The following PHC2 variants were observed in gnomAD, a reference collection of about 807,000 sequenced individuals.
The protein encoded by PHC2 is polyhomeotic homolog 2, also known as polyhomeotic-like protein 2.
In PHC2, 29 loss-of-function variants were observed where a neutral mutation model predicts 87.4. The observed-to-expected ratio is 0.33, with a 90% confidence interval of 0.25 to 0.45. The LOEUF (loss-of-function observed/expected upper bound fraction) is 0.45. Ranked by LOEUF, PHC2 falls within the 20% of genes least tolerant of loss-of-function variation. The pLI, the probability that PHC2 is intolerant of heterozygous loss-of-function variation, is 1.00. For synonymous variants in PHC2, 438 were observed against 461.7 expected, an observed-to-expected ratio of 0.95 and a Z score of 0.66; for missense variants, 857 against 1,136.7, an observed-to-expected ratio of 0.75 and a Z score of 3.54.
chr1:33,376,580 G>T (rs1401347396), intron 1 of PHC2, among the ~76,000 whole-genome samples: 1 of 152,208 alleles, frequency 6.6e-6, no homozygotes, highest in Non-Finnish European at 1.5e-5. Context: ...GAACATCAGA[G>T]AATTTACTAT....
chr1:33,350,193 G>A (rs1646942970), intron 9 of PHC2, among the ~76,000 whole-genome samples: 2 of 152,186 alleles, frequency 1.3e-5, no homozygotes, highest in African/African-American at 4.8e-5. Context: ...GGGCCTGGGG[G>A]TCAGTCAGAA....
chr1:33,375,751 A>C (rs10737369), intron 1 of PHC2, among the ~76,000 whole-genome samples, 158 bp from the exon 2 acceptor site: 109,203 of 152,210 alleles, frequency 0.72, 39,950 homozygotes, highest in African/African-American at 0.86. Context: ...TGAACACGTA[A>C]ACTTTTTTTG....
At chr1:33,347,613 C>G (rs1646868806) in intron 9 of PHC2, 2 of 985,328 alleles carry the variant, frequency 2.0e-6, no homozygotes, top group East Asian at 2.3e-4. Context: ...CATAGTTGGA[C>G]AACTGAGAAA....
At chr1:33,346,056 T>A in intron 9 of PHC2, 1 of 985,344 alleles carries the variant, frequency 1.0e-6, no homozygotes, top group Non-Finnish European at 1.2e-6. Context: ...AAAGCATAAA[T>A]CTATGTGTTC....
At chr1:33,379,985 C>T (rs1293111896) in intron 1 of PHC2, among the ~76,000 whole-genome samples, 2 of 152,200 alleles carry the variant, frequency 1.3e-5, no homozygotes, top group Non-Finnish European at 1.5e-5. Context: ...GCTTGATCAG[C>T]AGGTCTGTCT....
chr1:33,350,057 G>T (rs1386308995), intron 9 of PHC2, among the ~76,000 whole-genome samples: 1 of 151,450 alleles, frequency 6.6e-6, no homozygotes, highest in Non-Finnish European at 1.5e-5. Flanking sequence ...AGGCGGGTTA[G>T]GGACGCCCGG....
chr1:33,325,579 A>G (rs1461717123), intron 14 of PHC2: 1 of 268,104 alleles, frequency 3.7e-6, no homozygotes, highest in African/African-American at 2.2e-5. Flanking sequence ...AAACTCATAC[A>G]CTGGGTCTGT....
In PHC2 at chr1:33,368,603, G is replaced by A; in HGVS notation, c.596C>T (p.Ala199Val). The change falls in exon 6 of 15, where the codon GCC becomes GTC. Residue 199 changes from alanine (A) to valine (V), a missense_variant. This residue lies in a region of PHC2 where 832 missense variants were observed against 1,081.8 expected (regional missense o/e 0.77). Coordinates refer to ENST00000683057, the MANE Select transcript of PHC2 (RefSeq NM_001385109.1). This position sits in a 1 kb window ranked among gnomAD's most constrained non-coding sequence, Gnocchi z 6.6. ...CTCAGGCTGCACAGTAGCGACGGTG[G>A]CCGTGGGCGTGAAGATGAGCTGAGG... ...RAQMLIFTPT[A>V]TVATVQPELG... 1.3e-6 allele frequency: 2 copies of A among 1,551,158 alleles called. No homozygotes were observed. Among genetic ancestry groups the A allele is most frequent in the East Asian group, 2.4e-5 (1 of 40,894 alleles).
At chr1:33,366,485 T>C (rs915854060) in intron 7 of PHC2, among the ~76,000 whole-genome samples, 41 of 152,314 alleles carry the variant, frequency 2.7e-4, no homozygotes, top group Non-Finnish European at 5.0e-4. Flanking sequence ...TTACCCTCAC[T>C]AGCAAGCCTT....
chr1:33,383,160 C>A (rs1222512474), intron 1 of PHC2, among the ~76,000 whole-genome samples: 2 of 152,168 alleles, frequency 1.3e-5, no homozygotes, highest in East Asian at 3.9e-4. Flanking sequence ...CTTAGGGGAC[C>A]TGGGGGAGGC....
chr1:33,341,354 T>C lies in PHC2; in HGVS notation c.1559-7062A>G, dbSNP rs1436606836. On this transcript the variant is annotated intron_variant, in intron 9 of 14. Transcript: ENST00000683057. Reference sequence around the variant, plus strand: ...TTAGCCGTGGATAGCACGAGGGCACTTGGGAAAAGAGGACAAGACATGTAA... The same window carrying C: ...TTAGCCGTGGATAGCACGAGGGCACCTGGGAAAAGAGGACAAGACATGTAA... Among the ~76,000 whole-genome samples the C allele has an allele frequency of 2.6e-5, 4 of 152,314 alleles. No individual in the cohort carries two copies. In the East Asian group the frequency reaches 7.7e-4, roughly 29 times the overall value.
rs11061 is a variant in PHC2, at chr1:33,324,069, G to A, written c.*796C>T. The A allele has an allele frequency of 0.17, 26,487 of 152,588 alleles. 2,829 individuals carry two copies. The highest frequency in any genetic ancestry group is 0.27 in the South Asian group (1,300 of 4,836). 9.5% of individuals were successfully genotyped at this position (152,588 alleles called of 1,614,324 possible). A position where few individuals can be genotyped will look rare whatever the true frequency, so the allele number is the denominator to read the frequency against. On this transcript the variant is annotated 3_prime_UTR_variant, in exon 15 of 15. Coordinates refer to ENST00000683057, the MANE Select transcript of PHC2 (RefSeq NM_001385109.1). ...GGCGGTCAGGGGAACTTCACAGTGC[G>A]GGGAGGGGTGTCTGGAAAGGAAACT...
intron 12 of PHC2, among the ~76,000 whole-genome samples, chr1:33,330,558 T>C (rs1646469052): frequency 1.3e-5 from 2 of 152,244 alleles, no homozygotes; most frequent in South Asian, 2.1e-4. Context: ...GGGAAACTAC[T>C]GTCCACTGTC....
At chr1:33,363,839 C>T (rs558904219) in intron 7 of PHC2, 3 of 985,284 alleles carry the variant, frequency 3.0e-6, no homozygotes, top group East Asian at 1.1e-4. Context: ...CCTTAGGACT[C>T]GGCTTCCCTG....
chr1:33,348,754 C>T (rs181435855), intron 9 of PHC2, among the ~76,000 whole-genome samples: 117 of 152,190 alleles, frequency 7.7e-4, no homozygotes, highest in Non-Finnish European at 1.3e-3. Context: ...AGAGTGTGTT[C>T]CGTACACAGC....
chr1:33,393,629 G>A (rs1649172606), intron 1 of PHC2, among the ~76,000 whole-genome samples: 1 of 152,214 alleles, frequency 6.6e-6, no homozygotes, highest in South Asian at 2.1e-4. Flanking sequence ...TCTCCTCAGA[G>A]TGAGCAGGCT....
At chr1:33,423,542 A>G (rs77259071) in intron 1 of PHC2, among the ~76,000 whole-genome samples, 91 of 152,338 alleles carry the variant, frequency 6.0e-4, no homozygotes, top group East Asian at 3.7e-3. Flanking sequence ...TTATGGACCA[A>G]TGAATTAGTT....
At chr1:33,404,341 A>C (rs1472623078) in intron 1 of PHC2, among the ~76,000 whole-genome samples, 1 of 152,190 alleles carries the variant, frequency 6.6e-6, no homozygotes, top group Admixed American at 6.5e-5. Flanking sequence ...GATGCCTGTA[A>C]GTTGAAATAA....
rs185366198 is a variant in PHC2 at position 33,425,505 on chromosome 1, C to T, written c.-55+5471G>A. 1.1e-3 allele frequency among the ~76,000 whole-genome samples: 169 copies of T among 152,212 alleles called. 3 individuals are homozygous for T. The highest frequency in any genetic ancestry group is 4.5e-3 in the Admixed American group (69 of 15,294). ...TTAAGGGTATGAAAAAGACATGGTC[C>T]CTAGCAATTATAACAATGTGGTAAA... On this transcript the variant is annotated intron_variant, in intron 1 of 14. Coordinates refer to ENST00000683057, the MANE Select transcript of PHC2 (RefSeq NM_001385109.1).
Sources: allele counts gnomAD v4.1 joint callset (sites outside exome capture counted in the v4.1 genomes callset), GRCh38; gene constraint gnomAD v4.1.1; regional missense constraint gnomAD v4.1.1; non-coding constraint Gnocchi (gnomAD v3.1); transcripts MANE v1.5; gene names NCBI Gene and HGNC (gene_info 2026-07-23, HGNC 2026-07-21).